Variants in TAF4 observed in about 807,000 individuals in gnomAD.
The protein encoded by TAF4 is transcription initiation factor TFIID subunit 4.
TAF4 carries 9 observed loss-of-function variants against 90.3 expected under a neutral mutation model. The observed-to-expected ratio is 0.10, with a 90% CI of 0.06 to 0.17. The LOEUF is 0.17. TAF4 is among the 10% of genes least tolerant of loss of function. TAF4 has a pLI of 1.00. For synonymous variants in TAF4, 818 were observed against 638.9 expected (o/e 1.28, Z -4.23); for missense variants, 1,351 against 1,370.7 (o/e 0.99, Z 0.23).
rs1457876699 is a variant in TAF4 at position 62,064,987 on chromosome 20, G to C, written c.824C>G (p.Pro275Arg). 2 of 270,690 alleles carry C rather than the reference G, an allele frequency of 7.4e-6. No homozygotes were observed. Among genetic ancestry groups the C allele is most frequent in the Non-Finnish European group, 1.1e-5 (2 of 185,602 alleles). 16.8% of individuals were successfully genotyped at this position (270,690 alleles called of 1,614,324 possible). A position where few individuals can be genotyped will look rare whatever the true frequency, so the allele number is the denominator to read the frequency against. ...CGGCCGGGCCAGAGTGGCGGGCGCG[G>C]GGGGTGGCGGGGGCGGGGCGGCGGC... ...APAAAPPPPPPAPATLARPPG... is the reference protein window; with the variant it reads ...APAAAPPPPPRAPATLARPPG... Residue 275 changes from proline (P) to arginine (R), a missense_variant, in exon 1 of 15, where the codon CCC (proline) becomes CGC (arginine). Pro to Arg is a moderately radical substitution (Grantham distance 103). Transcript: ENST00000252996.
chr20:62,017,710 T>C (rs2055820233), intron 1 of TAF4, among the ~76,000 whole-genome samples: 1 of 152,070 alleles, frequency 6.6e-6, no homozygotes, highest in African/African-American at 2.4e-5. Flanking sequence ...TGGTGGTGCA[T>C]GCCTGTAATC....
chr20:61,997,122 G>A (rs1040478918), intron 14 of TAF4, among the ~76,000 whole-genome samples: 2 of 152,150 alleles, frequency 1.3e-5, no homozygotes, highest in African/African-American at 4.8e-5. Context: ...AAACATAGAC[G>A]AGAAACTAAT....
At chr20:61,996,768 C>T (rs1355584626) in intron 14 of TAF4, among the ~76,000 whole-genome samples, 1 of 150,620 alleles carries the variant, frequency 6.6e-6, no homozygotes, top group Non-Finnish European at 1.5e-5. Context: ...CACTGCGCTC[C>T]CACCTGGCGA....
intron 14 of TAF4, among the ~76,000 whole-genome samples, chr20:61,983,579 T>C (rs12624770): frequency 0.096 from 14,654 of 152,190 alleles, 1,200 homozygotes; most frequent in East Asian, 0.44. Flanking sequence ...AGGAGGATCC[T>C]TCTTAAGCCC....
At chr20:62,007,727 C>G (rs1157938073) in intron 5 of TAF4, 91 bp from the exon 6 acceptor site, 1 of 1,249,912 alleles carries the variant, frequency 8.0e-7, no homozygotes, top group Non-Finnish European at 1.1e-6. Context: ...TATTTTACGG[C>G]TGATTCCGCC....
At chr20:62,048,967 T>C (rs1331879638) in intron 1 of TAF4, among the ~76,000 whole-genome samples, 1 of 122,178 alleles carries the variant, frequency 8.2e-6, no homozygotes, top group Non-Finnish European at 1.7e-5. Context: ...CCCACCTCGG[T>C]CACCGGGCTC....
At chr20:62,061,111 T>C (rs1052799348) in intron 1 of TAF4, among the ~76,000 whole-genome samples, 4 of 152,194 alleles carry the variant, frequency 2.6e-5, no homozygotes, top group African/African-American at 9.6e-5. Context: ...ATCTAAACTT[T>C]TAGGAATGTC....
chr20:62,064,020 G>A (rs932792867), intron 1 of TAF4, among the ~76,000 whole-genome samples: 2 of 152,364 alleles, frequency 1.3e-5, no homozygotes, highest in South Asian at 2.1e-4. Flanking sequence ...GAACTGAGCA[G>A]GGGACAGCTG....
intron 14 of TAF4, among the ~76,000 whole-genome samples, chr20:61,983,491 T>C (rs1045505659): frequency 6.6e-6 from 1 of 152,026 alleles, no homozygotes; most frequent in African/African-American, 2.4e-5. Context: ...CGAGACCCCA[T>C]TCCTACAAAA....
intron 14 of TAF4, among the ~76,000 whole-genome samples, chr20:61,982,068 C>A (rs1427555619): frequency 5.7e-3 from 5 of 874 alleles, no homozygotes; most frequent in South Asian, 0.12. Flanking sequence ...CAAACCCACA[C>A]CCCACCCGAG....
chr20:62,030,831 C>G (rs2055900757), intron 1 of TAF4, among the ~76,000 whole-genome samples: 1 of 152,202 alleles, frequency 6.6e-6, no homozygotes, highest in Non-Finnish European at 1.5e-5. Context: ...GATGTGGAAC[C>G]TCATGGATAA....
In TAF4 at chr20:62,006,472, G is replaced by C. The variant is rs755988431; in HGVS notation, c.2223+38C>G. The C allele has an allele frequency of 4.3e-6, 6 of 1,392,736 alleles. No individual in the cohort carries two copies. In the South Asian group the frequency reaches 1.0e-4, roughly 23 times the overall value. 86.3% of individuals were successfully genotyped at this position (1,392,736 alleles called of 1,614,324 possible). On this transcript the variant is annotated intron_variant, in intron 7 of 14. Transcript: ENST00000252996. This position sits in a 1 kb window ranked among gnomAD's most constrained non-coding sequence, Gnocchi z 7.0. The stretch of plus-strand genomic sequence containing the variant: ...AAGAAGCGGGCGGGAGCAGAGGCAC[G>C]GTGGGCTGTGCAGACCAGTCAGGCG...
At chr20:62,047,724 G>A (rs1298417669) in intron 1 of TAF4, among the ~76,000 whole-genome samples, 1 of 152,232 alleles carries the variant, frequency 6.6e-6, no homozygotes, top group Non-Finnish European at 1.5e-5. Flanking sequence ...TCAAGCCCAG[G>A]TGATGCAACA....
chr20:62,021,326 A>G (rs1209025533), intron 1 of TAF4, among the ~76,000 whole-genome samples: 1 of 152,220 alleles, frequency 6.6e-6, no homozygotes, highest in Non-Finnish European at 1.5e-5. Flanking sequence ...AAACAAGGGG[A>G]CTCTCAAGGA....
At chr20:62,007,177 T>G (rs2055751507) in intron 6 of TAF4, among the ~76,000 whole-genome samples, 1 of 152,206 alleles carries the variant, frequency 6.6e-6, no homozygotes, top group Admixed American at 6.5e-5. Flanking sequence ...ACGTATTGAT[T>G]TTTAAAATGT....
intron 1 of TAF4, among the ~76,000 whole-genome samples, chr20:62,056,876 A>T (rs568353114): frequency 2.0e-5 from 3 of 152,322 alleles, no homozygotes; most frequent in African/African-American, 7.2e-5. Context: ...ACAGTTACAT[A>T]AAAAAGCCAA....
At chr20:61,991,806 G>A (rs571210400) in intron 14 of TAF4, among the ~76,000 whole-genome samples, 19 of 152,188 alleles carry the variant, frequency 1.2e-4, no homozygotes, top group African/African-American at 3.1e-4. Flanking sequence ...CCAGTACTGA[G>A]AACACCACCC....
chr20:62,051,582 C>T (rs1203514378), intron 1 of TAF4, among the ~76,000 whole-genome samples: 2 of 152,078 alleles, frequency 1.3e-5, no homozygotes, highest in African/African-American at 4.8e-5. Flanking sequence ...TGGGCCTGTC[C>T]CAGACCTGTT....
intron 14 of TAF4, among the ~76,000 whole-genome samples, chr20:61,997,286 C>G (rs1016640422): frequency 5.3e-5 from 8 of 152,190 alleles, no homozygotes; most frequent in African/African-American, 1.9e-4. Flanking sequence ...ATAACTTCCC[C>G]ACATCCTTTT....
Sources: gnomAD v4.1 joint callset for allele counts (sites outside exome capture counted in the v4.1 genomes callset) on GRCh38, gnomAD v4.1.1 for gene constraint, Gnocchi (gnomAD v3.1) non-coding constraint, MANE v1.5 for transcripts, NCBI Gene and HGNC (gene_info 2026-07-23, HGNC 2026-07-21) for gene names.